ZSCAN29: variants seen among roughly 807,000 people sequenced by gnomAD.
The protein encoded by ZSCAN29 is zinc finger and SCAN domain-containing protein 29.
In ZSCAN29, 55 loss-of-function variants were observed where a neutral mutation model predicts 71.9. The ratio of observed to expected loss-of-function variants is 0.76; its 90% confidence interval spans 0.62 to 0.96. The LOEUF is 0.96. Among genes scored for constraint, ZSCAN29 ranks in the 40% least tolerant of loss-of-function variants. The pLI, the probability that ZSCAN29 is intolerant of heterozygous loss-of-function variation, is 0.00. For synonymous variants in ZSCAN29, 351 were observed against 371.6 expected (o/e 0.94, Z 0.64); for missense variants, 1,042 against 1,042.2 (o/e 1.00, Z 0.00).
chr15:43,363,333 A>C (rs1427323961), intron 5 of ZSCAN29, among the ~76,000 whole-genome samples: 1 of 152,220 alleles, frequency 6.6e-6, no homozygotes, highest in Non-Finnish European at 1.5e-5. Flanking sequence ...CCAGATTCAC[A>C]TACGTACACA....
In ZSCAN29 at chr15:43,366,237, C is replaced by G. The variant is rs753398749; in HGVS notation, c.1095G>C (p.Arg365Ser). 6.2e-7 allele frequency: 1 copy of G among 1,613,820 alleles called. No individual in the cohort carries two copies. The highest frequency in any genetic ancestry group is 1.7e-5 in the Admixed American group (1 of 60,026). The change falls in exon 4 of 6, where the codon AGG becomes AGC. Residue 365 changes from arginine (R) to serine (S), a missense_variant. Physicochemically the swap from Arg to Ser is moderately radical, Grantham distance 110. Transcript: ENST00000684362. ...SDAETEEPGQ[R>S]GWQHEEGAEE... is the part of the protein sequence containing the mutation. ...CTGCTCCCTCCTCATGCTGCCAGCC[C>G]CTCTGCCCTGGCTCTTCAGTCTCAG...
rs765681915 is a variant in ZSCAN29 at position 43,361,595 on chromosome 15, T to A, written c.2037A>T (p.Lys679Asn). 13 of 1,614,072 alleles carry A rather than the reference T, an allele frequency of 8.1e-6. No homozygotes were observed. In the South Asian group the frequency reaches 1.3e-4, roughly 16 times the overall value. ...TGAAGCTTTTCCCACAATCAGCACATTTATATGGATTTTCCACCTGGTGGG... is the reference window on the plus strand; with the variant it reads ...TGAAGCTTTTCCCACAATCAGCACAATTATATGGATTTTCCACCTGGTGGG... ...QVSHQVENPY[K>N]CADCGKSFSR... The change falls in exon 6 of 6, where the codon AAA (lysine) becomes AAT (asparagine). Residue 679 changes from lysine to asparagine, a missense_variant. By Grantham distance (94) the Lys-to-Asn change is moderately conservative. Coordinates refer to ENST00000684362, the MANE Select transcript of ZSCAN29 (RefSeq NM_001372080.1).
rs2142729236 is a variant in ZSCAN29, at chr15:43,364,068, G to A, written c.1537C>T (p.Pro513Ser). 6.2e-7 allele frequency: 1 copy of A among 1,614,104 alleles called. No homozygotes were observed. The highest frequency in any genetic ancestry group is 8.5e-7 in the Non-Finnish European group (1 of 1,180,032). Residue 513 changes from proline (P) to serine (S), a missense_variant, in exon 5 of 6, where the codon CCC becomes TCC. Physicochemically the swap from Pro to Ser is moderately conservative, Grantham distance 74 (BLOSUM62 -1). Coordinates refer to ENST00000684362, the MANE Select transcript of ZSCAN29 (RefSeq NM_001372080.1). ...TCAGCCTCACTGGTCCCCTGGACGG[G>A]GCAAGAAGCAGTCTCTTCCTGGCCA... Reference protein sequence around the residue: ...NDGQEETASCPVQGTSEAEAQ... With the variant: ...NDGQEETASCSVQGTSEAEAQ...
In ZSCAN29 at chr15:43,361,441, C is replaced by T. The variant is rs2043978999; in HGVS notation, c.2191G>A (p.Glu731Lys). ...CACTCACCACATTGATAAGGTTTCT[C>T]TCCTGTGTGGATTCTCCTATGGGTG... is the stretch of plus-strand genomic sequence containing the variant. ...FITHRRIHTGEKPYQCGECGK... is the reference protein window; with the variant it reads ...FITHRRIHTGKKPYQCGECGK... Residue 731 changes from glutamate to lysine, a missense_variant, in exon 6 of 6, where the codon GAG (glutamate) becomes AAG (lysine). Glu to Lys is a moderately conservative substitution (Grantham distance 56). Transcript: ENST00000684362. 1 of 1,613,822 alleles carries T rather than the reference C, an allele frequency of 6.2e-7. No homozygotes were observed.
Position 43,361,047 on chromosome 15 carries a change from T to C in ZSCAN29, c.*26A>G, listed in dbSNP as rs777758246. 6.5e-7 allele frequency: 1 copy of C among 1,547,362 alleles called. No homozygotes were observed. Among genetic ancestry groups the C allele is most frequent in the East Asian group, 2.3e-5 (1 of 44,202 alleles). ...TTCTAAACAATACATTTATTGAGCC[T>C]CTTTCCGTTATATATCCTCAGGGGC... On this transcript the variant is annotated 3_prime_UTR_variant, in exon 6 of 6. Coordinates refer to ENST00000684362, the MANE Select transcript of ZSCAN29 (RefSeq NM_001372080.1).
At position 43,363,967 on chromosome 15, in the gene ZSCAN29, T is replaced by C; in HGVS notation, c.1638A>G (p.Ile546Met). 1.9e-6 allele frequency: 3 copies of C among 1,613,888 alleles called. No individual in the cohort carries two copies. Among genetic ancestry groups the C allele is most frequent in the Non-Finnish European group, 2.5e-6 (3 of 1,179,884 alleles). Residue 546 changes from isoleucine (I) to methionine (M), a missense_variant, in exon 5 of 6, where the codon ATA becomes ATG. By Grantham distance (10) the Ile-to-Met change is conservative. Coordinates refer to ENST00000684362, the MANE Select transcript of ZSCAN29 (RefSeq NM_001372080.1). ...DSDDDEEDTE[I>M]PPGAVITRAP... is the part of the protein sequence containing the mutation. ...CACGGGTTATGACAGCCCCTGGGGG[T>C]ATCTCAGTATCCTCTTCATCATCAT...
chr15:43,367,309 T>TG (rs2044049432), intron 3 of ZSCAN29, among the ~76,000 whole-genome samples: 1 of 152,164 alleles, frequency 6.6e-6, no homozygotes, highest in Non-Finnish European at 1.5e-5. Flanking sequence ...CCCAGATAAT[T>TG]GCAGCAGTCA....
chr15:43,369,619 CTCTT>C lies in ZSCAN29; in HGVS notation c.291_294del (p.Arg98SerfsTer13). 6.2e-7 allele frequency: 1 copy of C among 1,613,408 alleles called. No homozygotes were observed. Among genetic ancestry groups the C allele is most frequent in the East Asian group, 2.2e-5 (1 of 44,858 alleles). On this transcript the variant is annotated frameshift_variant, in exon 2 of 6. Coordinates refer to ENST00000684362, the MANE Select transcript of ZSCAN29 (RefSeq NM_001372080.1). LOFTEE classifies it high-confidence loss of function. ...ACCGAAGATCTAGGTCTTCCAGGCT[CTCTT>C]TCTAAATCTTCCACGAGAGTCACTG... is the stretch of plus-strand genomic sequence containing the variant.
intron 4 of ZSCAN29, 150 bp from the exon 5 acceptor site, chr15:43,364,532 A>C: frequency 1.3e-6 from 1 of 764,306 alleles, no homozygotes; most frequent in South Asian, 1.5e-5. Context: ...AAATCCACAA[A>C]CTCAGTATAG....
chr15:43,364,023 C>T lies in ZSCAN29; in HGVS notation c.1582G>A (p.Glu528Lys), dbSNP rs749095806. The stretch of plus-strand genomic sequence containing the variant: ...TCTTCCTCTGTGGCCTCGTCTGCTT[C>T]CTCAGCTTGCTTCTGAGCTTCAGCC... ...SEAEAQKQAE[E>K]ADEATEEDSD... is the part of the protein sequence containing the mutation. The change falls in exon 5 of 6, where the codon GAA (glutamate) becomes AAA (lysine). Residue 528 changes from glutamate to lysine, a missense_variant. Coordinates refer to ENST00000684362, the MANE Select transcript of ZSCAN29 (RefSeq NM_001372080.1). 5.6e-6 allele frequency: 9 copies of T among 1,614,204 alleles called. No homozygotes were observed. The highest frequency in any genetic ancestry group is 1.6e-4 in the Middle Eastern group (1 of 6,062).
In ZSCAN29 at chr15:43,361,550, A is replaced by AATG. The variant is rs759896805; in HGVS notation, c.2079_2081dup (p.Ile694dup). 3 of 1,613,930 alleles carry AATG rather than the reference A, an allele frequency of 1.9e-6. No individual in the cohort carries two copies. In the African/African-American group the frequency reaches 4.0e-5, roughly 22 times the overall value. ...CTCCAGTGTGGATTCTCCGGTGTCT[A>AATG]ATGAGTCGTGCACTCCGACTGAAGC... is the stretch of plus-strand genomic sequence containing the variant. On this transcript the variant is annotated inframe_insertion, in exon 6 of 6. Transcript: ENST00000684362.
Position 43,369,120 on chromosome 15 carries a change from A to T in ZSCAN29, c.326T>A (p.Val109Asp). ...EPGRPRSSVTVSVKGQEVRLE... is the reference protein window; with the variant it reads ...EPGRPRSSVTDSVKGQEVRLE... ...GCGCACTTCCTGCCCCTTCACAGAG[A>T]CTGTGACCTAGAAACAACCCCCGTT... The change falls in exon 3 of 6, where the codon GTC (valine) becomes GAC (aspartate). Residue 109 changes from valine to aspartate, a missense_variant. Coordinates refer to ENST00000684362, the MANE Select transcript of ZSCAN29 (RefSeq NM_001372080.1). 1 of 1,557,992 alleles carries T rather than the reference A, an allele frequency of 6.4e-7. No homozygotes were observed. The highest frequency in any genetic ancestry group is 8.7e-7 in the Non-Finnish European group (1 of 1,148,908).
rs1326355980 is a variant in ZSCAN29 at position 43,370,829 on chromosome 15, G to A, written c.-384C>T. 6.5e-6 allele frequency: 1 copy of A among 154,292 alleles called. No individual in the cohort carries two copies. Among genetic ancestry groups the A allele is most frequent in the Non-Finnish European group, 1.4e-5 (1 of 69,168 alleles). 9.6% of individuals were successfully genotyped at this position (154,292 alleles called of 1,614,324 possible). On this transcript the variant is annotated 5_prime_UTR_variant, in exon 1 of 6. Transcript: ENST00000684362. The stretch of plus-strand genomic sequence containing the variant: ...CCGGGTAACCCGGAGCCGTCGTGCG[G>A]TCCCTCCAGAGGCCTCTGACCCGGC...
At position 43,359,344 on chromosome 15, in the gene ZSCAN29, G is replaced by T. The variant is rs2043960026; in HGVS notation, c.*1729C>A. The T allele has an allele frequency of 6.6e-6, 1 of 152,218 alleles. No individual in the cohort carries two copies. The highest frequency in any genetic ancestry group is 6.5e-5 in the Admixed American group (1 of 15,282). 9.4% of individuals were successfully genotyped at this position (152,218 alleles called of 1,614,324 possible). On this transcript the variant is annotated 3_prime_UTR_variant, in exon 6 of 6. Transcript: ENST00000684362. The stretch of plus-strand genomic sequence containing the variant: ...GATTGTAAGGACAAGGAGAGGACCT[G>T]TTGACCTTGTGCTATACAGGGCTCA...
rs1012461840 is a variant in ZSCAN29 at position 43,360,878 on chromosome 15, A to G, written c.*195T>C. 4.3e-6 allele frequency: 3 copies of G among 699,536 alleles called. No individual in the cohort carries two copies. In the African/African-American group the frequency reaches 5.3e-5, roughly 12 times the overall value. The allele number at this position is 699,536 out of a possible 1,614,324, so 43.3% of individuals were successfully genotyped here. A position where few individuals can be genotyped will look rare whatever the true frequency, so the allele number is the denominator to read the frequency against. ...GATGCAGGCAAAGAGAGGGACTGAA[A>G]TCTTCCTTTCATTCTTTAGACTGCC... On this transcript the variant is annotated 3_prime_UTR_variant, in exon 6 of 6. Transcript: ENST00000684362.
chr15:43,360,930 AAACAAGG>A lies in ZSCAN29; in HGVS notation c.*136_*142del. ...TGGGGATTTGAGTCTAGATCAGGAA[AAACAAGG>A]AACAAACAGTGGCATAAATCCTAAA... On this transcript the variant is annotated 3_prime_UTR_variant, in exon 6 of 6. Coordinates refer to ENST00000684362, the MANE Select transcript of ZSCAN29 (RefSeq NM_001372080.1). 1 of 1,199,852 alleles carries A rather than the reference AAACAAGG, an allele frequency of 8.3e-7. No individual in the cohort carries two copies. The highest frequency in any genetic ancestry group is 1.2e-6 in the Non-Finnish European group (1 of 863,872). The allele number at this position is 1,199,852 out of a possible 1,614,324, so 74.3% of individuals were successfully genotyped here. A position where few individuals can be genotyped will look rare whatever the true frequency, so the allele number is the denominator to read the frequency against.
intron 4 of ZSCAN29, among the ~76,000 whole-genome samples, chr15:43,365,316 T>C (rs2044025043): frequency 6.6e-6 from 1 of 152,218 alleles, no homozygotes; most frequent in Non-Finnish European, 1.5e-5. Flanking sequence ...AACAGCATAG[T>C]TGTACCGATT....
chr15:43,368,868 C>T (rs1024808696), intron 3 of ZSCAN29, 55 bp downstream of exon 3: 16 of 1,492,718 alleles, frequency 1.1e-5, no homozygotes, highest in African/African-American at 1.4e-5. Context: ...TATTCCCAAC[C>T]CTACTTCCCA....
In ZSCAN29 at chr15:43,364,344, C is replaced by G; in HGVS notation, c.1261G>C (p.Ala421Pro). The change falls in exon 5 of 6, where the codon GCA (alanine) becomes CCA (proline). Residue 421 changes from alanine (A) to proline (P), a missense_variant. By Grantham distance (27) the Ala-to-Pro change is conservative. Transcript: ENST00000684362. ...TAAAACTGGGTCTCACTAAGAATTG[C>G]AAGGTAAGTCTTGGTCTCTTCATAG... ...WGYEETKTYL[A>P]ILSETQFYEA... 4 of 1,614,116 alleles carry G rather than the reference C, an allele frequency of 2.5e-6. No homozygotes were observed. Among genetic ancestry groups the G allele is most frequent in the Admixed American group, 1.7e-5 (1 of 60,006 alleles).
Sources: gnomAD v4.1 joint callset for allele counts (sites outside exome capture counted in the v4.1 genomes callset) on GRCh38, gnomAD v4.1.1 for gene constraint, MANE v1.5 for transcripts, NCBI Gene and HGNC (gene_info 2026-07-23, HGNC 2026-07-21) for gene names.